Variants in FAM13A observed in about 807,000 individuals in gnomAD.
The protein encoded by FAM13A is protein FAM13A.
A neutral mutation model predicts 129.6 loss-of-function variants in FAM13A; 76 were observed. The ratio of observed to expected loss-of-function variants is 0.59; its 90% CI spans 0.49 to 0.71. The LOEUF is 0.71. Ranked by LOEUF, FAM13A falls within the 30% of genes least tolerant of loss-of-function variation. The pLI is 0.00. For synonymous variants in FAM13A, 443 were observed against 449.9 expected, an observed-to-expected ratio of 0.98 and a Z score of 0.20; for missense variants, 1,108 against 1,249.3, an observed-to-expected ratio of 0.89 and a Z score of 1.70.
chr4:88,846,819 G>A (rs1736723513), intron 7 of FAM13A, among the ~76,000 whole-genome samples: 1 of 152,048 alleles, frequency 6.6e-6, no homozygotes, highest in Non-Finnish European at 1.5e-5. Flanking sequence ...GATTTTGTGG[G>A]CTCTGTGTAT....
chr4:88,898,796 A>C (rs917537317), intron 6 of FAM13A, among the ~76,000 whole-genome samples: 1 of 152,072 alleles, frequency 6.6e-6, no homozygotes, highest in African/African-American at 2.4e-5. Context: ...ATGTGGTAAA[A>C]AGGGAACACT....
chr4:88,851,078 C>A lies in FAM13A; in HGVS notation c.949G>T (p.Ala317Ser), dbSNP rs756522214. ...GCTGAATTCATGTCTTCCAAGCAGG[C>A]TTTTCTATAACTTAGCCGCAAGCTG... ...QLSLRLSYRK[A>S]CLEDMNSAEG... is the part of the protein sequence containing the mutation. Residue 317 changes from alanine (A) to serine (S), a missense_variant, in exon 7 of 24, where the codon GCC (alanine) becomes TCC (serine). Ala to Ser is a moderately conservative substitution (Grantham distance 99). Transcript: ENST00000264344. The A allele has an allele frequency of 6.2e-7, 1 of 1,613,708 alleles. No individual in the cohort carries two copies. The highest frequency in any genetic ancestry group is 1.3e-5 in the African/African-American group (1 of 74,808).
intron 1 of FAM13A, among the ~76,000 whole-genome samples, chr4:89,037,866 G>A (rs759081571): frequency 7.2e-5 from 11 of 151,964 alleles, no homozygotes; most frequent in Admixed American, 2.0e-4. Context: ...CTTCCCCTTC[G>A]CCTACCACTA....
At chr4:88,925,645 T>G (rs1752003503) in intron 5 of FAM13A, among the ~76,000 whole-genome samples, 1 of 151,924 alleles carries the variant, frequency 6.6e-6, no homozygotes, top group Non-Finnish European at 1.5e-5. Context: ...TATACATATG[T>G]AACTAACCTG....
chr4:88,880,361 C>T (rs1324177354), intron 6 of FAM13A, among the ~76,000 whole-genome samples: 1 of 152,106 alleles, frequency 6.6e-6, no homozygotes, highest in African/African-American at 2.4e-5. Context: ...TTGACCTTAC[C>T]TGGAGCTGAG....
chr4:89,026,595 A>C (rs909615007), intron 2 of FAM13A, among the ~76,000 whole-genome samples: 6 of 152,214 alleles, frequency 3.9e-5, no homozygotes, highest in African/African-American at 1.4e-4. Flanking sequence ...AAAGCGAGGC[A>C]CCTTCTTCAC....
At chr4:88,956,389 G>A (rs1477507186) in intron 4 of FAM13A, among the ~76,000 whole-genome samples, 1 of 152,150 alleles carries the variant, frequency 6.6e-6, no homozygotes, top group Non-Finnish European at 1.5e-5. Context: ...TATAGCCTAG[G>A]TGTGGGGTAG....
chr4:88,872,974 G>T (rs528688261), intron 6 of FAM13A, among the ~76,000 whole-genome samples: 2 of 152,246 alleles, frequency 1.3e-5, no homozygotes, highest in East Asian at 3.9e-4. Context: ...TAGAACTCAG[G>T]ATTTAAAAAC....
At chr4:89,003,713 C>T (rs1334901020) in intron 3 of FAM13A, among the ~76,000 whole-genome samples, 1 of 151,842 alleles carries the variant, frequency 6.6e-6, no homozygotes, top group African/African-American at 2.4e-5. Context: ...CATATACCCT[C>T]TTACGTAATT....
intron 11 of FAM13A, among the ~76,000 whole-genome samples, chr4:88,779,413 T>A (rs1722411105): frequency 6.6e-6 from 1 of 152,228 alleles, no homozygotes; most frequent in African/African-American, 2.4e-5. Context: ...GTCGTCGTTG[T>A]GTTCCCTGGC....
At chr4:88,899,300 A>G (rs1275311641) in intron 6 of FAM13A, among the ~76,000 whole-genome samples, 2 of 152,068 alleles carry the variant, frequency 1.3e-5, no homozygotes, top group African/African-American at 4.8e-5. Flanking sequence ...CTGAGGATGC[A>G]AAGGGATAAG....
chr4:88,924,401 A>T (rs1229208105), intron 5 of FAM13A, among the ~76,000 whole-genome samples: 2 of 152,168 alleles, frequency 1.3e-5, no homozygotes, highest in African/African-American at 2.4e-5. Context: ...ATAACGCCAC[A>T]TATCTACAAC....
chr4:88,867,779 C>T (rs559745840), intron 6 of FAM13A, among the ~76,000 whole-genome samples: 14 of 152,198 alleles, frequency 9.2e-5, no homozygotes, highest in African/African-American at 2.9e-4. Flanking sequence ...GATATGTGCA[C>T]ATGTGATAGA....
At chr4:89,015,665 T>C (rs1020170461) in intron 3 of FAM13A, among the ~76,000 whole-genome samples, 1 of 152,202 alleles carries the variant, frequency 6.6e-6, no homozygotes, top group Non-Finnish European at 1.5e-5. Context: ...AAACTTACTA[T>C]ACTATACATT....
At chr4:88,953,996 A>C (rs549373182) in intron 4 of FAM13A, among the ~76,000 whole-genome samples, 11 of 152,308 alleles carry the variant, frequency 7.2e-5, no homozygotes, top group South Asian at 6.2e-4. Flanking sequence ...GTCAGCCTCT[A>C]CCCAAACCAA....
intron 6 of FAM13A, among the ~76,000 whole-genome samples, chr4:88,860,820 T>C (rs1035204237): frequency 4.6e-5 from 7 of 152,174 alleles, no homozygotes; most frequent in African/African-American, 1.4e-4. Flanking sequence ...AGCTGGAAAT[T>C]GTAAGGCCAG....
chr4:88,869,426 C>T (rs1740983493), intron 6 of FAM13A, among the ~76,000 whole-genome samples: 1 of 152,184 alleles, frequency 6.6e-6, no homozygotes, highest in South Asian at 2.1e-4. Flanking sequence ...GCAGTGGCCT[C>T]CCTTCAGTTA....
At chr4:88,952,355 T>A (rs780167674) in intron 4 of FAM13A, among the ~76,000 whole-genome samples, 5 of 152,024 alleles carry the variant, frequency 3.3e-5, no homozygotes, top group Non-Finnish European at 5.9e-5. Flanking sequence ...GCTATAGTAT[T>A]GATCCATTTG....
At chr4:88,743,713 G>A (rs1740708358) in intron 19 of FAM13A, among the ~76,000 whole-genome samples, 1 of 152,076 alleles carries the variant, frequency 6.6e-6, no homozygotes, top group African/African-American at 2.4e-5. Flanking sequence ...TCTCTAATAG[G>A]GTTTCGCCAA....
Sources: allele counts gnomAD v4.1 joint callset (sites outside exome capture counted in the v4.1 genomes callset), GRCh38; gene constraint gnomAD v4.1.1; transcripts MANE v1.5; gene names NCBI Gene and HGNC (gene_info 2026-07-23, HGNC 2026-07-21).